Variants in RECQL5 observed in about 807,000 individuals in gnomAD.
The protein encoded by RECQL5 is RecQ like helicase 5, also known as ATP-dependent DNA helicase Q5.
RECQL5 carries 88 observed loss-of-function variants against 103.4 expected under a neutral mutation model. The observed-to-expected ratio is 0.85, with a 90% CI of 0.72 to 1.02. The LOEUF (loss-of-function observed/expected upper bound fraction) is 1.02, where lower values mean the gene tolerates loss of function less well. Ranked by LOEUF, RECQL5 falls within the 50% of genes least tolerant of loss-of-function variation. The probability of loss-of-function intolerance (pLI) is 0.00; values close to 1 mark genes in which losing one functional copy is unlikely to be tolerated. For synonymous variants in RECQL5, 552 were observed against 507.9 expected, an observed-to-expected ratio of 1.09 and a Z score of -1.17; for missense variants, 1,232 against 1,284.3, an observed-to-expected ratio of 0.96 and a Z score of 0.62.
At chr17:75,637,289 G>A (rs1197530611) in intron 8 of RECQL5, 1 of 152,358 alleles carries the variant, frequency 6.6e-6, no homozygotes, top group East Asian at 1.9e-4. Flanking sequence ...GAGTGTCTCT[G>A]CTGGGCTACA....
At position 75,640,869 on chromosome 17, in the gene RECQL5, A is replaced by C; in HGVS notation, c.1230-9201T>G. ...TGCTGCCCTGAGCGGAGAGGCAGGA[A>C]GGTCCAGGTGCAGCCGACACCACCA... On this transcript the variant is annotated intron_variant, in intron 8 of 19. Coordinates refer to ENST00000317905, the MANE Select transcript of RECQL5 (RefSeq NM_004259.7). This position sits in a 1 kb window ranked among gnomAD's most constrained non-coding sequence, Gnocchi z 4.6. The C allele has an allele frequency of 6.5e-7, 1 of 1,547,568 alleles. No homozygotes were observed. The highest frequency in any genetic ancestry group is 8.7e-7 in the Non-Finnish European group (1 of 1,146,950).
rs1405256005 is a variant in RECQL5 at position 75,630,763 on chromosome 17, G to A, written c.1644+16C>T. 16 of 1,574,978 alleles carry A rather than the reference G, an allele frequency of 1.0e-5. No individual in the cohort carries two copies. Among genetic ancestry groups the A allele is most frequent in the Non-Finnish European group, 1.4e-5 (16 of 1,158,824 alleles). On this transcript the variant is annotated intron_variant, in intron 12 of 19. Transcript: ENST00000317905. ...GAGGGCCCCGGCGGGTGGCTGAGGA[G>A]CTGCCCGTCTCTTACCTTCACAGTC...
Position 75,631,595 on chromosome 17 carries a change from G to A in RECQL5, c.1303C>T (p.Gln435Ter). The A allele has an allele frequency of 6.2e-7, 1 of 1,612,928 alleles. No individual in the cohort carries two copies. Among genetic ancestry groups the A allele is most frequent in the Non-Finnish European group, 8.5e-7 (1 of 1,179,890 alleles). ...CGCCTCCGCACGGCCGTGGGGTTCT[G>A]GCAGTGGTCGCAGCCTTTGGCGCAG... ...PACAKGCDHCQNPTAVRRRLE... is the reference protein window; with the variant it reads ...PACAKGCDHC The change falls in exon 9 of 20, where the codon CAG (glutamine) becomes TAG (stop). Residue 435 changes from glutamine (Q) to a stop codon, truncating the protein, a stop_gained. Coordinates refer to ENST00000317905, the MANE Select transcript of RECQL5 (RefSeq NM_004259.7). LOFTEE classifies it high-confidence loss of function.
intron 18 of RECQL5, 45 bp downstream of exon 18, chr17:75,628,173 A>G (rs1379672166): frequency 6.6e-7 from 1 of 1,521,972 alleles, no homozygotes; most frequent in African/African-American, 1.4e-5. Flanking sequence ...CTACACCCAC[A>G]TACCCCAGGC....
intron 5 of RECQL5, 117 bp downstream of exon 5, chr17:75,661,489 C>T: frequency 1.4e-6 from 1 of 723,836 alleles, no homozygotes; most frequent in African/African-American, 1.8e-5. Flanking sequence ...TTTAGCTCTG[C>T]CTGAGTATCT....
chr17:75,635,693 G>T, intron 8 of RECQL5: 1 of 685,508 alleles, frequency 1.5e-6, no homozygotes. Flanking sequence ...CTCCTTCTAG[G>T]TGGACCTCAA....
intron 8 of RECQL5, chr17:75,650,555 G>C: frequency 6.5e-7 from 1 of 1,533,166 alleles, no homozygotes; most frequent in Non-Finnish European, 8.8e-7. Context: ...TCATCCGACA[G>C]GATCATTCCA....
chr17:75,645,720 A>C (rs572539785), intron 8 of RECQL5, among the ~76,000 whole-genome samples: 3 of 152,220 alleles, frequency 2.0e-5, no homozygotes, highest in Non-Finnish European at 2.9e-5. Flanking sequence ...CGCCCATGAT[A>C]GTTAAGAACG....
At chr17:75,634,265 C>T in intron 8 of RECQL5, 2 of 985,432 alleles carry the variant, frequency 2.0e-6, no homozygotes, top group African/African-American at 3.5e-5. Context: ...TCCCCTGCCC[C>T]CAGGGTGAAG....
Position 75,635,788 on chromosome 17 carries a change from C to T in RECQL5, c.1230-4120G>A, listed in dbSNP as rs993474124. Reference sequence around the variant, plus strand: ...CAGAGCAAGCAGCCCTCTGGGGCCCCGCGCTGCCAACACACCTCGCTTATC... The same window carrying T: ...CAGAGCAAGCAGCCCTCTGGGGCCCTGCGCTGCCAACACACCTCGCTTATC... On this transcript the variant is annotated intron_variant, in intron 8 of 19. Transcript: ENST00000317905. 36 of 985,328 alleles carry T rather than the reference C, an allele frequency of 3.7e-5. No homozygotes were observed. The African/African-American group carries it at 3.8e-4, about 11-fold the overall frequency. The allele number at this position is 985,328 out of a possible 1,614,324, so 61.0% of individuals were successfully genotyped here. A position where few individuals can be genotyped will look rare whatever the true frequency, so the allele number is the denominator to read the frequency against.
At chr17:75,630,470 C>G (rs563797155) in intron 13 of RECQL5, 149 bp downstream of exon 13, 56 of 953,830 alleles carry the variant, frequency 5.9e-5, no homozygotes, top group Non-Finnish European at 7.5e-5. Flanking sequence ...ATGCCTGGCC[C>G]TGGTGGGGTT....
chr17:75,629,292 C>T lies in RECQL5; in HGVS notation c.2131G>A (p.Gly711Arg). The change falls in exon 16 of 20, where the codon GGG (glycine) becomes AGG (arginine). Residue 711 changes from glycine (G) to arginine (R), a missense_variant. Coordinates refer to ENST00000317905, the MANE Select transcript of RECQL5 (RefSeq NM_004259.7). ...CCTCCAGGGACCTCCCCTCTGGGCC[C>T]AGGGAGGGGCTCACTCCCATCCTCA... The part of the protein sequence containing the change: ...LDEDGSEPLP[G>R]PRGEVPGGSA... 6.3e-7 allele frequency: 1 copy of T among 1,589,234 alleles called. No individual in the cohort carries two copies. Among genetic ancestry groups the T allele is most frequent in the Non-Finnish European group, 8.6e-7 (1 of 1,165,494 alleles).
intron 6 of RECQL5, among the ~76,000 whole-genome samples, chr17:75,660,643 C>T (rs1035953185): frequency 1.3e-5 from 2 of 152,198 alleles, no homozygotes; most frequent in Non-Finnish European, 2.9e-5. Flanking sequence ...GACTATAGTT[C>T]CTTTATTCCC....
intron 8 of RECQL5, chr17:75,650,743 C>T (rs926726862): frequency 1.4e-5 from 23 of 1,607,650 alleles, no homozygotes; most frequent in Admixed American, 6.7e-5. Flanking sequence ...AAAACAGATG[C>T]GTGAGTTCAA....
Position 75,627,620 on chromosome 17 carries a change from C to A in RECQL5, c.2875+3G>T. On this transcript the variant is annotated splice_donor_region_variant and intron_variant, in intron 19 of 19. Transcript: ENST00000317905. ...TCCTGGCCCTGGCAATGCCAGCGCTCACCGCTCCTTCCAGGAGAGGTCTTC... is the reference window on the plus strand; with the variant it reads ...TCCTGGCCCTGGCAATGCCAGCGCTAACCGCTCCTTCCAGGAGAGGTCTTC... 6.2e-7 allele frequency: 1 copy of A among 1,613,398 alleles called. No individual in the cohort carries two copies. Among genetic ancestry groups the A allele is most frequent in the South Asian group, 1.1e-5 (1 of 91,006 alleles).
At chr17:75,645,278 T>A (rs1048228544) in intron 8 of RECQL5, among the ~76,000 whole-genome samples, 2 of 152,168 alleles carry the variant, frequency 1.3e-5, no homozygotes, top group Admixed American at 6.5e-5. Context: ...CCCAAAGTAG[T>A]CAATAGGTAT....
intron 3 of RECQL5, among the ~76,000 whole-genome samples, chr17:75,664,567 T>G (rs915101392): frequency 6.6e-6 from 1 of 152,120 alleles, no homozygotes; most frequent in Non-Finnish European, 1.5e-5. Flanking sequence ...GAACACTACA[T>G]TGGGGAAATA....
chr17:75,627,732 C>T (rs1209800865), intron 18 of RECQL5, 40 bp from the exon 19 acceptor site: 1 of 1,566,484 alleles, frequency 6.4e-7, no homozygotes, highest in South Asian at 1.2e-5. Flanking sequence ...GAGCAGGACC[C>T]TTGGTGGCCG....
At chr17:75,662,260 G>C (rs1227899052) in intron 4 of RECQL5, among the ~76,000 whole-genome samples, 1 of 152,212 alleles carries the variant, frequency 6.6e-6, no homozygotes, top group African/African-American at 2.4e-5. Flanking sequence ...GCATCACACA[G>C]ACTGGCTGGC....
Sources: gnomAD v4.1 joint callset for allele counts (sites outside exome capture counted in the v4.1 genomes callset) on GRCh38, gnomAD v4.1.1 for gene constraint, Gnocchi (gnomAD v3.1) non-coding constraint, MANE v1.5 for transcripts, NCBI Gene and HGNC (gene_info 2026-07-23, HGNC 2026-07-21) for gene names.